ARHGAP15: variants seen among roughly 807,000 people sequenced by gnomAD.
ARHGAP15 encodes the protein Rho GTPase activating protein 15.
In ARHGAP15, 51 loss-of-function variants were observed where a neutral mutation model predicts 63.7. That is an observed-to-expected ratio of 0.80 (90% CI 0.64 to 1.01). The LOEUF (loss-of-function observed/expected upper bound fraction) is 1.01. ARHGAP15 is among the 50% of genes least tolerant of loss of function. The pLI is 0.00. For missense variants in ARHGAP15, 560 were observed against 564.6 expected, an observed-to-expected ratio of 0.99 and a Z score of 0.08; for synonymous variants, 191 against 193.8, an observed-to-expected ratio of 0.99 and a Z score of 0.12.
intron 6 of ARHGAP15, among the ~76,000 whole-genome samples, chr2:143,402,670 C>T (rs1362977002): frequency 6.6e-6 from 1 of 151,632 alleles, no homozygotes; most frequent in African/African-American, 2.4e-5. Flanking sequence ...ATGAAGAGAC[C>T]ACAATTCACA....
chr2:143,320,417 C>CCCCCCCCCCCCCG (rs1683965442), intron 6 of ARHGAP15, among the ~76,000 whole-genome samples: 1 of 94,774 alleles, frequency 1.1e-5, no homozygotes. Context: ...CACCCCCCCC[C>CCCCCCCCCCCCCG]CCCCCAGAGA....
At chr2:143,345,900 T>C (rs1685250866) in intron 6 of ARHGAP15, among the ~76,000 whole-genome samples, 1 of 152,082 alleles carries the variant, frequency 6.6e-6, no homozygotes, top group African/African-American at 2.4e-5. Context: ...CGGAGATCTC[T>C]GGAAATTGCA....
intron 9 of ARHGAP15, chr2:143,518,935 A>T (rs1693940212): frequency 5.1e-6 from 1 of 197,280 alleles, no homozygotes; most frequent in Admixed American, 5.6e-5. Context: ...CAAAGACACT[A>T]AGATAAATTA....
chr2:143,326,585 G>A (rs898113667), intron 6 of ARHGAP15, among the ~76,000 whole-genome samples: 2 of 152,064 alleles, frequency 1.3e-5, no homozygotes, highest in East Asian at 3.8e-4. Context: ...CTCATTTCAA[G>A]TGACCAATTT....
intron 5 of ARHGAP15, among the ~76,000 whole-genome samples, chr2:143,245,658 G>T (rs1190388152): frequency 1.3e-5 from 2 of 151,670 alleles, no homozygotes; most frequent in African/African-American, 4.8e-5. Context: ...CATGGTTAGA[G>T]GCTGAAGGAC....
At chr2:143,690,014 T>C (rs1683522504) in intron 12 of ARHGAP15, among the ~76,000 whole-genome samples, 1 of 152,202 alleles carries the variant, frequency 6.6e-6, no homozygotes, top group African/African-American at 2.4e-5. Context: ...CTAAACAGCA[T>C]TAACTGTGTA....
chr2:143,315,952 G>T (rs1006148322), intron 6 of ARHGAP15, among the ~76,000 whole-genome samples: 1 of 152,088 alleles, frequency 6.6e-6, no homozygotes, highest in South Asian at 2.1e-4. Flanking sequence ...TGGGCGTGGT[G>T]GTGCGTGCCT....
At chr2:143,236,565 G>A (rs185375318) in intron 5 of ARHGAP15, 3 of 152,284 alleles carry the variant, frequency 2.0e-5, no homozygotes, top group Admixed American at 2.0e-4. Context: ...TCCTAAAATG[G>A]CATGAACAGA....
At chr2:143,195,747 CT>C (rs1206518940) in intron 2 of ARHGAP15, among the ~76,000 whole-genome samples, 1 of 152,110 alleles carries the variant, frequency 6.6e-6, no homozygotes, top group Non-Finnish European at 1.5e-5. Flanking sequence ...CAAACTAATG[CT>C]TTTCTTCAAG....
chr2:143,200,050 A>G (rs1692047921), intron 2 of ARHGAP15, among the ~76,000 whole-genome samples: 2 of 152,190 alleles, frequency 1.3e-5, no homozygotes, highest in African/African-American at 4.8e-5. Flanking sequence ...TGTCAAAGGA[A>G]AAATAGGTAA....
At chr2:143,485,105 G>A (rs944106869) in intron 8 of ARHGAP15, among the ~76,000 whole-genome samples, 6 of 151,984 alleles carry the variant, frequency 3.9e-5, no homozygotes, top group African/African-American at 7.3e-5. Flanking sequence ...TTTAATTTCC[G>A]GGATACATGT....
At chr2:143,744,138 C>T (rs1429906815) in intron 13 of ARHGAP15, among the ~76,000 whole-genome samples, 1 of 152,054 alleles carries the variant, frequency 6.6e-6, no homozygotes, top group African/African-American at 2.4e-5. Context: ...ATCCAGCTTG[C>T]AAAGAAGCAG....
chr2:143,589,585 C>G (rs1157690574), intron 11 of ARHGAP15, among the ~76,000 whole-genome samples: 1 of 152,146 alleles, frequency 6.6e-6, no homozygotes, highest in Non-Finnish European at 1.5e-5. Flanking sequence ...ACTCTAAAGT[C>G]AATGTGCTCT....
intron 6 of ARHGAP15, among the ~76,000 whole-genome samples, chr2:143,393,832 A>T (rs927905898): frequency 6.6e-6 from 1 of 151,876 alleles, no homozygotes; most frequent in Non-Finnish European, 1.5e-5. Flanking sequence ...AAACAGAAAC[A>T]CTTCAAATTG....
intron 6 of ARHGAP15, among the ~76,000 whole-genome samples, chr2:143,352,880 GTAAA>G (rs1685630863): frequency 6.6e-6 from 1 of 152,128 alleles, no homozygotes; most frequent in Admixed American, 6.6e-5. Context: ...TTACTGAGTT[GTAAA>G]TAAATCTTTC....
chr2:143,336,143 G>A lies in ARHGAP15; in HGVS notation c.474+85543G>A, dbSNP rs189264678. On this transcript the variant is annotated intron_variant, in intron 6 of 13. Coordinates refer to ENST00000295095, the MANE Select transcript of ARHGAP15 (RefSeq NM_018460.4). Reference sequence around the variant, plus strand: ...AGTATCCCAAGTAGCTGAGACTACAGGAGCACAGCAGCACACCGCCACACC... The same window carrying A: ...AGTATCCCAAGTAGCTGAGACTACAAGAGCACAGCAGCACACCGCCACACC... 3.0e-4 allele frequency among the ~76,000 whole-genome samples: 46 copies of A among 152,230 alleles called. No homozygotes were observed. The East Asian group carries it at 8.3e-3, about 27-fold the overall frequency.
Position 143,139,587 on chromosome 2 carries a change from G to A in ARHGAP15, c.-15+10121G>A, listed in dbSNP as rs114595508. Among the ~76,000 whole-genome samples the A allele has an allele frequency of 5.6e-3, 854 of 152,074 alleles. 8 individuals are homozygous for A. Among genetic ancestry groups the A allele is most frequent in the African/African-American group, 0.019 (785 of 41,482 alleles). Reference sequence around the variant, plus strand: ...TATTCTATTTAGAATTTTAAAAGTCGTTTTGCATATGTTATTTTACTTGGT... The same window carrying A: ...TATTCTATTTAGAATTTTAAAAGTCATTTTGCATATGTTATTTTACTTGGT... On this transcript the variant is annotated intron_variant, in intron 1 of 13. Transcript: ENST00000295095.
intron 11 of ARHGAP15, among the ~76,000 whole-genome samples, chr2:143,581,973 G>T (rs1696925107): frequency 6.6e-6 from 1 of 152,204 alleles, no homozygotes; most frequent in African/African-American, 2.4e-5. Context: ...AAAGTGATAA[G>T]TGCCATTTAG....
intron 6 of ARHGAP15, among the ~76,000 whole-genome samples, chr2:143,291,404 C>CCTCA (rs970570275): frequency 1.3e-5 from 2 of 151,226 alleles, no homozygotes; most frequent in Admixed American, 1.3e-4. Context: ...CTCCCTCCCT[C>CCTCA]CTCACTCACT....
Sources: allele counts gnomAD v4.1 joint callset (sites outside exome capture counted in the v4.1 genomes callset), GRCh38; gene constraint gnomAD v4.1.1; transcripts MANE v1.5; gene names NCBI Gene and HGNC (gene_info 2026-07-23, HGNC 2026-07-21).